The following RIIAD1 variants were observed in gnomAD, a reference collection of about 807,000 sequenced individuals.
RIIAD1 encodes RIIa domain-containing protein 1.
RIIAD1 carries 15 observed loss-of-function variants against 13.3 expected under a neutral mutation model. The observed-to-expected ratio is 1.13, with a 90% CI of 0.76 to 1.74. The LOEUF is 1.74. RIIAD1 is among the 40% of genes most tolerant of loss of function. The pLI, the probability that RIIAD1 is intolerant of heterozygous loss-of-function variation, is 0.00. For synonymous variants in RIIAD1, 50 were observed against 43.3 expected, an observed-to-expected ratio of 1.16 and a Z score of -0.61; for missense variants, 121 against 112.2, an observed-to-expected ratio of 1.08 and a Z score of -0.35.
At chr1:151,714,682 G>GAGGGGC (rs780272334) in intron 4 of RIIAD1, 2 of 1,553,898 alleles carry the variant, frequency 1.3e-6, no homozygotes, top group African/African-American at 2.7e-5. Flanking sequence ...ACATCCTGAG[G>GAGGGGC]AGGGGCAGGG....
intron 3 of RIIAD1, chr1:151,714,409 C>A (rs1032588051): frequency 3.0e-6 from 2 of 659,980 alleles, no homozygotes; most frequent in East Asian, 2.7e-5. Context: ...CGCTGCTTTC[C>A]TTCTCTCCAG....
chr1:151,726,720 A>G (rs1445236539), intron 2 of RIIAD1, among the ~76,000 whole-genome samples: 2 of 152,232 alleles, frequency 1.3e-5, no homozygotes, highest in Non-Finnish European at 2.9e-5. Context: ...TACTTTATGA[A>G]CCATAAAACT....
chr1:151,718,062 C>G (rs1324199239), upstream of RIIAD1, among the ~76,000 whole-genome samples: 1 of 152,118 alleles, frequency 6.6e-6, no homozygotes, highest in Non-Finnish European at 1.5e-5. Context: ...TCTTCTCCCC[C>G]GGGGTAGGGC....
upstream of RIIAD1, among the ~76,000 whole-genome samples, chr1:151,718,277 C>G (rs749304008): frequency 1.3e-5 from 2 of 152,156 alleles, no homozygotes; most frequent in African/African-American, 2.4e-5. Context: ...TCACCACCCC[C>G]CTATGATGTA....
At chr1:151,717,009 C>G (rs1014162801), upstream of RIIAD1, among the ~76,000 whole-genome samples, 2 of 152,110 alleles carry the variant, frequency 1.3e-5, no homozygotes, top group Non-Finnish European at 2.9e-5. Flanking sequence ...AACCCTTCCC[C>G]CATCTTACTC....
chr1:151,714,951 G>A (rs772606172), intron 4 of RIIAD1, among the ~76,000 whole-genome samples: 2 of 151,910 alleles, frequency 1.3e-5, no homozygotes, highest in Non-Finnish European at 2.9e-5. Context: ...CCATGTGACC[G>A]CCAGACAAGT....
upstream of RIIAD1, chr1:151,716,955 A>C: frequency 9.5e-6 from 3 of 317,226 alleles, no homozygotes; most frequent in Non-Finnish European, 6.8e-6. Flanking sequence ...ATCCTCCCTG[A>C]CTCCCTTCCC....
intron 1 of RIIAD1, 121 bp from the exon 2 acceptor site, chr1:151,721,965 A>C (rs1376296592): frequency 1.4e-6 from 1 of 699,380 alleles, no homozygotes; most frequent in African/African-American, 1.8e-5. Flanking sequence ...TAAACTTTCA[A>C]GCATCCTGGG....
upstream of RIIAD1, among the ~76,000 whole-genome samples, chr1:151,717,435 C>T (rs1225870934): frequency 6.6e-6 from 1 of 152,248 alleles, no homozygotes; most frequent in Admixed American, 6.5e-5. Flanking sequence ...TTTGCCGATG[C>T]CCCCTTCTCT....
chr1:151,719,800 G>T, upstream of RIIAD1: 1 of 589,970 alleles, frequency 1.7e-6, no homozygotes, highest in Non-Finnish European at 3.0e-6. Flanking sequence ...GATCAGTGAA[G>T]AAAGGCTTGA....
At chr1:151,721,474 A>G (rs552270982), upstream of RIIAD1, 111 of 1,010,220 alleles carry the variant, frequency 1.1e-4, 2 homozygotes, top group South Asian at 2.6e-3. Flanking sequence ...GCTTGGGGGC[A>G]GGGCGGGGCC....
At chr1:151,720,827 TTCTTAATTAGATAC>T (rs1673722864), upstream of RIIAD1, among the ~76,000 whole-genome samples, 1 of 152,236 alleles carries the variant, frequency 6.6e-6, no homozygotes, top group Non-Finnish European at 1.5e-5. Context: ...TCACTTTCTC[TTCTTAATTAGATAC>T]TAGAAGAACA....
At chr1:151,728,618 A>G in intron 3 of RIIAD1, 148 bp from the exon 4 acceptor site, 3 of 640,598 alleles carry the variant, frequency 4.7e-6, no homozygotes, top group South Asian at 3.5e-5. Flanking sequence ...TCATTTTACC[A>G]TATTACATTG....
intron 2 of RIIAD1, among the ~76,000 whole-genome samples, chr1:151,726,914 A>G (rs1167135312): frequency 6.6e-6 from 1 of 152,198 alleles, no homozygotes; most frequent in Non-Finnish European, 1.5e-5. Context: ...GTGGGGCTGC[A>G]TATCTCCCAC....
At chr1:151,726,531 TA>T (rs1436321323) in intron 2 of RIIAD1, among the ~76,000 whole-genome samples, 1 of 152,172 alleles carries the variant, frequency 6.6e-6, no homozygotes, top group Non-Finnish European at 1.5e-5. Context: ...GAGAACATAT[TA>T]TAGAGGGCAC....
chr1:151,720,226 G>C (rs2101503449), upstream of RIIAD1, among the ~76,000 whole-genome samples: 1 of 152,246 alleles, frequency 6.6e-6, no homozygotes, highest in Non-Finnish European at 1.5e-5. Context: ...GGCTTGTGGT[G>C]ACTGTACTGG....
intron 4 of RIIAD1, chr1:151,715,789 C>T (rs867111883): frequency 1.9e-6 from 3 of 1,594,352 alleles, no homozygotes; most frequent in Non-Finnish European, 2.6e-6. Flanking sequence ...TCAGCCCTTC[C>T]CAGCCGCTCC....
At chr1:151,721,730 C>A in intron 1 of RIIAD1, 110 bp downstream of exon 1, 1 of 621,146 alleles carries the variant, frequency 1.6e-6, no homozygotes, top group Non-Finnish European at 2.4e-6. Flanking sequence ...GGAGCCTGTT[C>A]CCTGATAAAG....
rs1232969944 is a variant in RIIAD1, at chr1:151,716,234, G to A, written c.21+1705G>A. On this transcript the variant is annotated intron_variant, in intron 4 of 8. Transcript: ENST00000326413. ...CTAGGGGTCAGGGGTCTAGGCAGAC[G>A]CTGTCATGCCACCAGGGGGCATCGC... 9.8e-6 allele frequency: 5 copies of A among 512,114 alleles called. No homozygotes were observed. In the South Asian group the frequency reaches 1.7e-4, roughly 18 times the overall value. The allele number at this position is 512,114 out of a possible 1,614,324, so 31.7% of individuals were successfully genotyped here.
Sources: allele counts gnomAD v4.1 joint callset (sites outside exome capture counted in the v4.1 genomes callset), GRCh38; gene constraint gnomAD v4.1.1; transcripts MANE v1.5; gene names NCBI Gene and HGNC (gene_info 2026-07-23, HGNC 2026-07-21).